Variants in AGBL1 observed in about 807,000 individuals in gnomAD.
AGBL1 encodes the protein AGBL carboxypeptidase 1.
A neutral mutation model predicts 118.9 loss-of-function variants in AGBL1; 130 were observed. That is an observed-to-expected ratio of 1.09 (90% CI 0.95 to 1.26). The LOEUF is 1.26. Among genes scored for constraint, AGBL1 ranks in the 50% most tolerant of loss-of-function variants. The pLI is 0.00. For missense variants in AGBL1, 1,584 were observed against 1,298.1 expected (o/e 1.22, Z -3.38); for synonymous variants, 555 against 478.9 (o/e 1.16, Z -2.08).
intron 21 of AGBL1, among the ~76,000 whole-genome samples, chr15:86,664,950 T>A (rs1269258224): frequency 6.6e-6 from 1 of 152,028 alleles, no homozygotes; most frequent in Non-Finnish European, 1.5e-5. Context: ...TTGCGGATTT[T>A]AAAAAAATAA....
At chr15:86,469,279 G>T (rs1072821) in intron 18 of AGBL1, among the ~76,000 whole-genome samples, 3 of 151,972 alleles carry the variant, frequency 2.0e-5, no homozygotes, top group Non-Finnish European at 4.4e-5. Flanking sequence ...ACCTTTGACT[G>T]ACTGCTTCTA....
intron 23 of AGBL1, among the ~76,000 whole-genome samples, chr15:86,952,909 G>C (rs1259162926): frequency 1.3e-5 from 2 of 152,138 alleles, no homozygotes; most frequent in East Asian, 3.9e-4. Flanking sequence ...AATTATGCAA[G>C]CATAAGTCAT....
In AGBL1 at chr15:86,911,706, A is replaced by G. The variant is rs999823828; in HGVS notation, c.*4412A>G. The stretch of plus-strand genomic sequence containing the variant: ...TTTTTGATTTTTCTAACATTTTCAC[A>G]TTTTTCCTCTGCCTCTGATAAGAAT... On this transcript the variant is annotated 3_prime_UTR_variant, in exon 23 of 23. Transcript: ENST00000614907. 28 of 151,932 alleles carry G rather than the reference A, an allele frequency of 1.8e-4. No homozygotes were observed. Among genetic ancestry groups the G allele is most frequent in the African/African-American group, 6.8e-4 (28 of 41,328 alleles). The allele number at this position is 151,932 out of a possible 1,614,324, so 9.4% of individuals were successfully genotyped here.
intron 21 of AGBL1, among the ~76,000 whole-genome samples, chr15:86,661,763 T>G (rs1042985152): frequency 6.6e-6 from 1 of 152,206 alleles, no homozygotes; most frequent in Middle Eastern, 3.4e-3. Flanking sequence ...ACGGTGACCA[T>G]GCTAAGGTGT....
chr15:86,980,683 A>T (rs1361272188), intron 23 of AGBL1, among the ~76,000 whole-genome samples: 2 of 152,136 alleles, frequency 1.3e-5, no homozygotes, highest in African/African-American at 2.4e-5. Context: ...ACAATACAAT[A>T]TTGACATCAT....
At chr15:86,694,914 T>C (rs2086230660) in intron 22 of AGBL1, among the ~76,000 whole-genome samples, 1 of 152,164 alleles carries the variant, frequency 6.6e-6, no homozygotes, top group South Asian at 2.1e-4. Context: ...TTGCATATAT[T>C]AAACCATTCC....
At chr15:86,721,593 C>T (rs956095281) in intron 22 of AGBL1, among the ~76,000 whole-genome samples, 1 of 152,168 alleles carries the variant, frequency 6.6e-6, no homozygotes, top group Non-Finnish European at 1.5e-5. Context: ...TGAAAACTGG[C>T]ACAAGACAGG....
chr15:86,271,143 C>T (rs1008609109), intron 14 of AGBL1, among the ~76,000 whole-genome samples: 7 of 150,098 alleles, frequency 4.7e-5, no homozygotes, highest in Admixed American at 1.3e-4. Context: ...CTCCGCCTCC[C>T]GGGTTCAAGC....
intron 21 of AGBL1, among the ~76,000 whole-genome samples, chr15:86,668,034 A>G (rs75040932): frequency 0.012 from 1,803 of 152,246 alleles, 25 homozygotes; most frequent in East Asian, 0.072. Context: ...TGAGAACAGC[A>G]AGAGAGAGAG....
intron 21 of AGBL1, among the ~76,000 whole-genome samples, chr15:86,646,779 G>A (rs1365596604): frequency 3.9e-5 from 6 of 152,164 alleles, no homozygotes; most frequent in Non-Finnish European, 8.8e-5. Flanking sequence ...AAATAACGTT[G>A]AGAAAATGGA....
chr15:86,750,704 TG>T (rs2077836726), intron 22 of AGBL1, among the ~76,000 whole-genome samples: 1 of 152,130 alleles, frequency 6.6e-6, no homozygotes, highest in East Asian at 1.9e-4. Flanking sequence ...AATTGTGTCA[TG>T]GGCATTTGTT....
intron 18 of AGBL1, among the ~76,000 whole-genome samples, chr15:86,476,054 C>T (rs1326353756): frequency 6.6e-6 from 1 of 152,158 alleles, no homozygotes. Context: ...ACCACCAGGC[C>T]TGCCTTACAA....
intron 22 of AGBL1, among the ~76,000 whole-genome samples, chr15:86,754,487 G>T (rs2077904494): frequency 1.3e-5 from 2 of 152,046 alleles, no homozygotes; most frequent in Non-Finnish European, 2.9e-5. Context: ...GTTGTGCATG[G>T]TTGGGGTTCT....
At chr15:86,399,998 G>A (rs146744856) in intron 18 of AGBL1, among the ~76,000 whole-genome samples, 39 of 152,278 alleles carry the variant, frequency 2.6e-4, no homozygotes, top group Admixed American at 1.2e-3. Context: ...TCTACAGGTC[G>A]TAGCACATCA....
chr15:86,178,200 C>T (rs1246760599), intron 5 of AGBL1, among the ~76,000 whole-genome samples: 1 of 152,116 alleles, frequency 6.6e-6, no homozygotes, highest in Non-Finnish European at 1.5e-5. Flanking sequence ...GTAATCCCAG[C>T]TACGTGGGAG....
intron 1 of AGBL1, among the ~76,000 whole-genome samples, chr15:86,120,220 T>G (rs1898012983): frequency 6.6e-6 from 1 of 152,198 alleles, no homozygotes; most frequent in Non-Finnish European, 1.5e-5. Flanking sequence ...AATGTTCTTT[T>G]GCCTTTTTTA....
At chr15:86,708,633 G>A (rs1175096993) in intron 22 of AGBL1, among the ~76,000 whole-genome samples, 3 of 152,112 alleles carry the variant, frequency 2.0e-5, no homozygotes, top group Admixed American at 2.0e-4. Context: ...CAAAAGCCCT[G>A]TGTTAATGAG....
In AGBL1 at chr15:86,211,760, C is replaced by T. The variant is rs148566117; in HGVS notation, c.489-13154C>T. On this transcript the variant is annotated intron_variant, in intron 5 of 22. Coordinates refer to ENST00000614907, the MANE Select transcript of AGBL1 (RefSeq NM_001386094.1). ...TACAGGGCATCACGGCTTCCCTTTG[C>T]TAGGAAAGGGAAATCCCCTGACCCC... Among the ~76,000 whole-genome samples the T allele has an allele frequency of 8.5e-4, 129 of 152,256 alleles. 1 individual carries two copies. The highest frequency in any genetic ancestry group is 3.0e-3 in the African/African-American group (126 of 41,548).
At chr15:86,780,657 C>CTTTTTTTTTTTTTTT (rs71144066) in intron 22 of AGBL1, among the ~76,000 whole-genome samples, 4 of 143,004 alleles carry the variant, frequency 2.8e-5, no homozygotes, top group Non-Finnish European at 1.5e-5. Context: ...TCTTTAACTT[C>CTTTTTTTTTTTTTTT]TTTTTTTTTT....
Sources: allele counts gnomAD v4.1 joint callset (sites outside exome capture counted in the v4.1 genomes callset), GRCh38; gene constraint gnomAD v4.1.1; transcripts MANE v1.5; gene names NCBI Gene and HGNC (gene_info 2026-07-23, HGNC 2026-07-21).